ZC3H4: variants seen among roughly 807,000 people sequenced by gnomAD.
The protein encoded by ZC3H4 is zinc finger CCCH-type containing 4, also known as zinc finger CCCH domain-containing protein 4.
ZC3H4 carries 13 observed loss-of-function variants against 108.3 expected under a neutral mutation model. The ratio of observed to expected loss-of-function variants is 0.12; its 90% CI spans 0.08 to 0.19. ZC3H4 has a LOEUF of 0.19. ZC3H4 is among the 10% of genes least tolerant of loss of function. The pLI is 1.00. For synonymous variants in ZC3H4, 917 were observed against 749.6 expected (o/e 1.22, Z -3.65); for missense variants, 1,734 against 1,838.8 (o/e 0.94, Z 1.04).
rs150289471 is a variant in ZC3H4 at position 47,067,796 on chromosome 19, C to A, written c.2472G>T (p.Leu824Phe). 1 of 1,609,670 alleles carries A rather than the reference C, an allele frequency of 6.2e-7. No individual in the cohort carries two copies. The highest frequency in any genetic ancestry group is 2.2e-5 in the East Asian group (1 of 44,738). Residue 824 changes from leucine to phenylalanine, a missense_variant, in exon 15 of 15, where the codon TTG becomes TTT. Physicochemically the swap from Leu to Phe is conservative, Grantham distance 22 (BLOSUM62 0). Transcript: ENST00000253048. This position sits in a 1 kb window ranked among gnomAD's most constrained non-coding sequence, Gnocchi z 6.4. ...GSSVTSILKT[L>F]RQQTSSRPPA... ...GGGGTCGGCTGGACGTCTGCTGCCT[C>A]AAGGTCTTCAGGATGGAGGTGACAC...
At chr19:47,076,822 G>A (rs1313686293) in intron 11 of ZC3H4, among the ~76,000 whole-genome samples, 2 of 151,976 alleles carry the variant, frequency 1.3e-5, no homozygotes, top group African/African-American at 4.8e-5. Context: ...GTGAAACCCT[G>A]TCTCTACTAA....
chr19:47,065,376 C>CT lies in ZC3H4; in HGVS notation c.*979_*980insA, dbSNP rs925699331. The CT allele has an allele frequency of 6.9e-6, 1 of 144,432 alleles. No individual in the cohort carries two copies. Among genetic ancestry groups the CT allele is most frequent in the African/African-American group, 3.0e-5 (1 of 33,334 alleles). The allele number at this position is 144,432 out of a possible 1,614,324, so 8.9% of individuals were successfully genotyped here. A position where few individuals can be genotyped will look rare whatever the true frequency, so the allele number is the denominator to read the frequency against. ...ACAGAGAACACTTGGCCAGGAGCCA[C>CT]CCCAGGGTCCCCATTGTTGGGGCCT... On this transcript the variant is annotated 3_prime_UTR_variant, in exon 15 of 15. Coordinates refer to ENST00000253048, the MANE Select transcript of ZC3H4 (RefSeq NM_015168.2).
At chr19:47,095,437 C>T (rs1452995186) in intron 2 of ZC3H4, among the ~76,000 whole-genome samples, 1 of 152,170 alleles carries the variant, frequency 6.6e-6, no homozygotes, top group East Asian at 1.9e-4. Context: ...GATCCCAGGC[C>T]CCTCCTGAGG....
chr19:47,112,716 C>A, intron 1 of ZC3H4, 127 bp from the exon 2 acceptor site: 3 of 487,074 alleles, frequency 6.2e-6, no homozygotes, highest in Non-Finnish European at 9.7e-6. Flanking sequence ...GGAATCACCT[C>A]TGCGCTGACC....
At chr19:47,110,641 T>C (rs1340406432) in intron 2 of ZC3H4, among the ~76,000 whole-genome samples, 2 of 152,044 alleles carry the variant, frequency 1.3e-5, no homozygotes, top group Non-Finnish European at 2.9e-5. Context: ...CTACTTACCA[T>C]CCCAACCCAT....
In ZC3H4 at chr19:47,064,645, T is replaced by C. The variant is rs1170008333; in HGVS notation, c.*1711A>G. On this transcript the variant is annotated 3_prime_UTR_variant, in exon 15 of 15. Coordinates refer to ENST00000253048, the MANE Select transcript of ZC3H4 (RefSeq NM_015168.2). ...CCACACTGTGTATTCATACTTATTT[T>C]ACAAACACCAAGGGCTGTGCCCTCT... 1 of 150,356 alleles carries C rather than the reference T, an allele frequency of 6.7e-6. No individual in the cohort carries two copies. Among genetic ancestry groups the C allele is most frequent in the Non-Finnish European group, 1.5e-5 (1 of 67,706 alleles). 9.3% of individuals were successfully genotyped at this position (150,356 alleles called of 1,614,324 possible). A position where few individuals can be genotyped will look rare whatever the true frequency, so the allele number is the denominator to read the frequency against.
At chr19:47,112,733 T>C (rs1042674415) in intron 1 of ZC3H4, 144 bp from the exon 2 acceptor site, 4 of 445,618 alleles carry the variant, frequency 9.0e-6, no homozygotes, top group Non-Finnish European at 1.5e-5. Context: ...GACCTCCGCG[T>C]AGGCCGCACG....
intron 2 of ZC3H4, among the ~76,000 whole-genome samples, chr19:47,095,828 G>C (rs1194223731): frequency 6.6e-6 from 1 of 152,194 alleles, no homozygotes; most frequent in African/African-American, 2.4e-5. Context: ...AGGCTTGCGT[G>C]AGAGCATCCA....
intron 9 of ZC3H4, 112 bp downstream of exon 9, chr19:47,084,233 A>T: frequency 1.0e-6 from 1 of 979,034 alleles, no homozygotes; most frequent in Admixed American, 2.1e-5. Context: ...AAGGACAAGG[A>T]CTACACAGTC....
chr19:47,112,730 G>A, intron 1 of ZC3H4, 141 bp from the exon 2 acceptor site: 1 of 452,026 alleles, frequency 2.2e-6, no homozygotes, highest in South Asian at 1.2e-4. Context: ...GCTGACCTCC[G>A]CGTAGGCCGC....
chr19:47,090,271 A>C, intron 4 of ZC3H4, 82 bp from the exon 5 acceptor site: 1 of 1,474,884 alleles, frequency 6.8e-7, no homozygotes, highest in Non-Finnish European at 9.3e-7. Flanking sequence ...AGGGTTCCCT[A>C]AACGAACATG....
chr19:47,080,152 G>A (rs756872125), intron 11 of ZC3H4, among the ~76,000 whole-genome samples: 7 of 152,144 alleles, frequency 4.6e-5, no homozygotes, highest in Non-Finnish European at 7.3e-5. Context: ...ACCTCCTTGT[G>A]AACTAGAAGG....
rs377220591 is a variant in ZC3H4, at chr19:47,069,270, G to A, written c.2220C>T (p.Pro740=). Residue 740 remains proline, a synonymous_variant, in exon 14 of 15, where the codon CCC becomes CCT. Transcript: ENST00000253048. ...GGGGCCCTCCCTCAGAGAAGCTGTC[G>A]GGCTCCAGAGGGTGCTCAGGGAAGA... The part of the protein sequence containing the change: ...EHLFPEHPLE[P]DSFSEGGPPG... The A allele has an allele frequency of 1.0e-4, 168 of 1,613,840 alleles. No individual in the cohort carries two copies. The highest frequency in any genetic ancestry group is 2.3e-4 in the African/African-American group (17 of 75,052).
chr19:47,069,063 G>C, intron 14 of ZC3H4, 29 bp downstream of exon 14: 2 of 1,601,258 alleles, frequency 1.2e-6, no homozygotes, highest in Non-Finnish European at 1.7e-6. Flanking sequence ...CCTGGGGCCT[G>C]TGCCCCGGCC....
chr19:47,099,355 A>C (rs2057870976), intron 2 of ZC3H4, among the ~76,000 whole-genome samples: 1 of 151,922 alleles, frequency 6.6e-6, no homozygotes, highest in Non-Finnish European at 1.5e-5. Context: ...GCTACTCGGG[A>C]GGCTGAGGCA....
intron 2 of ZC3H4, among the ~76,000 whole-genome samples, chr19:47,110,584 T>C (rs1398396437): frequency 6.6e-6 from 1 of 152,040 alleles, no homozygotes; most frequent in Non-Finnish European, 1.5e-5. Flanking sequence ...AGGCAGGCAG[T>C]AAAGGGAGAA....
chr19:47,101,606 C>T (rs1600104430), intron 2 of ZC3H4, among the ~76,000 whole-genome samples: 2 of 152,092 alleles, frequency 1.3e-5, no homozygotes, highest in South Asian at 2.1e-4. Context: ...GGTACGGTGG[C>T]TCATGCCAGT....
chr19:47,099,020 A>G (rs528656796), intron 2 of ZC3H4, among the ~76,000 whole-genome samples: 9 of 152,332 alleles, frequency 5.9e-5, no homozygotes, highest in African/African-American at 2.2e-4. Flanking sequence ...TAAATGAAAT[A>G]ATAGGGATAA....
At chr19:47,102,736 T>C (rs1041492110) in intron 2 of ZC3H4, among the ~76,000 whole-genome samples, 1 of 132,596 alleles carries the variant, frequency 7.5e-6, no homozygotes, top group African/African-American at 2.9e-5. Flanking sequence ...GGATAGAGAA[T>C]AAGGGCTCAT....
Sources: gnomAD v4.1 joint callset for allele counts (sites outside exome capture counted in the v4.1 genomes callset) on GRCh38, gnomAD v4.1.1 for gene constraint, Gnocchi (gnomAD v3.1) non-coding constraint, MANE v1.5 for transcripts, NCBI Gene and HGNC (gene_info 2026-07-23, HGNC 2026-07-21) for gene names.